The following DPYD variants were observed in gnomAD, a reference collection of about 807,000 sequenced individuals.
DPYD encodes the protein dihydropyrimidine dehydrogenase.
A neutral mutation model predicts 116.2 loss-of-function variants in DPYD; 109 were observed. That is an observed-to-expected ratio of 0.94 (90% confidence interval 0.80 to 1.10). The LOEUF is 1.10. Ranked by LOEUF, DPYD falls within the 50% of genes least tolerant of loss-of-function variation. The pLI, the probability that DPYD is intolerant of heterozygous loss-of-function variation, is 0.00. For missense variants in DPYD, 1,302 were observed against 1,254.5 expected (o/e 1.04, Z -0.57); for synonymous variants, 440 against 432.0 (o/e 1.02, Z -0.23).
At chr1:97,236,255 C>T (rs939728399) in intron 18 of DPYD, among the ~76,000 whole-genome samples, 6 of 152,134 alleles carry the variant, frequency 3.9e-5, no homozygotes, top group African/African-American at 1.4e-4. Flanking sequence ...ATAACTGGTT[C>T]AGCCTCACGT....
chr1:97,720,164 TCACACA>T lies in DPYD; in HGVS notation c.483+1340_483+1345del, dbSNP rs537506379. On this transcript the variant is annotated intron_variant, in intron 5 of 22. Transcript: ENST00000370192. ...CTCTCTCTCTTTCTCTCTCTCTCTC[TCACACA>T]CACACACACACACACACAAACACAC... is the stretch of plus-strand genomic sequence containing the variant. 382 of 707,212 alleles carry T rather than the reference TCACACA, an allele frequency of 5.4e-4. No homozygotes were observed. The African/African-American group carries it at 6.9e-3, about 13-fold the overall frequency. 43.8% of individuals were successfully genotyped at this position (707,212 alleles called of 1,614,324 possible).
At chr1:97,261,567 A>T (rs1482257151) in intron 18 of DPYD, among the ~76,000 whole-genome samples, 1 of 150,760 alleles carries the variant, frequency 6.6e-6, no homozygotes, top group Non-Finnish European at 1.5e-5. Context: ...AGGAAAATTC[A>T]AAGGGAAATT....
At chr1:97,115,367 T>C (rs1446840824) in intron 20 of DPYD, among the ~76,000 whole-genome samples, 1 of 152,230 alleles carries the variant, frequency 6.6e-6, no homozygotes, top group Non-Finnish European at 1.5e-5. Flanking sequence ...TCTGATTTTA[T>C]TGTTTGAAAG....
At chr1:97,173,343 TGC>T (rs1656959171) in intron 20 of DPYD, among the ~76,000 whole-genome samples, 2 of 150,512 alleles carry the variant, frequency 1.3e-5, no homozygotes, top group South Asian at 2.1e-4. Flanking sequence ...TGTGTATATA[TGC>T]ACACATATAT....
At chr1:97,089,614 C>T (rs1309011530) in intron 21 of DPYD, among the ~76,000 whole-genome samples, 1 of 152,076 alleles carries the variant, frequency 6.6e-6, no homozygotes, top group Non-Finnish European at 1.5e-5. Flanking sequence ...TTTTGATACC[C>T]TCTTCTTCCT....
intron 2 of DPYD, among the ~76,000 whole-genome samples, chr1:97,876,787 T>C (rs978816495): frequency 2.6e-5 from 4 of 152,052 alleles, no homozygotes; most frequent in African/African-American, 7.2e-5. Context: ...CTTAGAATTT[T>C]AGAAGTCACG....
chr1:97,181,930 C>G (rs771830987), intron 20 of DPYD, among the ~76,000 whole-genome samples: 4 of 152,086 alleles, frequency 2.6e-5, no homozygotes, highest in Non-Finnish European at 4.4e-5. Context: ...GATTTCTAAT[C>G]TTTACAAAGT....
rs1168694784 is a variant in DPYD at position 97,678,384 on chromosome 1, C to T, written c.850+711G>A. Reference sequence around the variant, plus strand: ...AGTTCGTGGCCCCGAGTTTGGGGACCCCGATTTAACATACTCCATTTATAT... The same window carrying T: ...AGTTCGTGGCCCCGAGTTTGGGGACTCCGATTTAACATACTCCATTTATAT... On this transcript the variant is annotated intron_variant, in intron 8 of 22. Coordinates refer to ENST00000370192, the MANE Select transcript of DPYD (RefSeq NM_000110.4). 2.0e-5 allele frequency among the ~76,000 whole-genome samples: 3 copies of T among 151,960 alleles called. 1 individual carries two copies. Among genetic ancestry groups the T allele is most frequent in the Non-Finnish European group, 4.4e-5 (3 of 67,996 alleles).
intron 14 of DPYD, among the ~76,000 whole-genome samples, chr1:97,431,317 C>G (rs549404835): frequency 6.6e-6 from 1 of 152,020 alleles, no homozygotes; most frequent in East Asian, 1.9e-4. Context: ...TATTGAGGCA[C>G]TAAAACCTAG....
intron 3 of DPYD, among the ~76,000 whole-genome samples, chr1:97,795,439 C>T (rs1041668137): frequency 4.6e-5 from 7 of 151,898 alleles, no homozygotes; most frequent in Admixed American, 3.3e-4. Flanking sequence ...GTAACTGATA[C>T]TAACTGTTAG....
At chr1:97,355,867 G>A (rs1670403164) in intron 16 of DPYD, among the ~76,000 whole-genome samples, 1 of 152,118 alleles carries the variant, frequency 6.6e-6, no homozygotes, top group African/African-American at 2.4e-5. Context: ...TGCCTATTGT[G>A]AATAGTACTG....
chr1:97,883,426 T>A, intron 1 of DPYD, 52 bp from the exon 2 acceptor site: 1 of 1,253,776 alleles, frequency 8.0e-7, no homozygotes, highest in Non-Finnish European at 1.2e-6. Flanking sequence ...TTGGCATTTG[T>A]TTAAACTTAT....
chr1:97,597,950 AT>A (rs1369246187), intron 8 of DPYD, among the ~76,000 whole-genome samples: 1 of 152,168 alleles, frequency 6.6e-6, no homozygotes, highest in Non-Finnish European at 1.5e-5. Context: ...TGGATGTGAG[AT>A]TTTTTAAAAA....
intron 6 of DPYD, 46 bp from the exon 7 acceptor site, chr1:97,691,844 C>T (rs546777463): frequency 6.7e-7 from 1 of 1,500,338 alleles, no homozygotes; most frequent in Non-Finnish European, 9.3e-7. Context: ...AGAAAAATGA[C>T]CAATCTTTGA....
chr1:97,779,632 C>T (rs184677972), intron 3 of DPYD, among the ~76,000 whole-genome samples: 78 of 152,140 alleles, frequency 5.1e-4, no homozygotes, highest in African/African-American at 1.8e-3. Context: ...TCTCTGTTTC[C>T]CTTTTTGCAT....
intron 16 of DPYD, among the ~76,000 whole-genome samples, chr1:97,369,909 AG>A (rs1352681092): frequency 6.6e-6 from 1 of 152,166 alleles, no homozygotes; most frequent in African/African-American, 2.4e-5. Context: ...AGCATTAGTT[AG>A]GGTAAGCATT....
At chr1:97,420,986 G>A (rs1450274667) in intron 14 of DPYD, among the ~76,000 whole-genome samples, 1 of 152,168 alleles carries the variant, frequency 6.6e-6, no homozygotes, top group African/African-American at 2.4e-5. Context: ...TTGAGATTGT[G>A]AGCACTGTGA....
chr1:97,670,502 G>A (rs1158090409), intron 8 of DPYD, among the ~76,000 whole-genome samples: 1 of 152,192 alleles, frequency 6.6e-6, no homozygotes, highest in East Asian at 1.9e-4. Context: ...GGAGAAGGCA[G>A]ACATCTTCAA....
chr1:97,719,733 C>T, intron 5 of DPYD: 2 of 983,790 alleles, frequency 2.0e-6, no homozygotes, highest in Non-Finnish European at 2.4e-6. Flanking sequence ...TCGGCCAACC[C>T]AAAAAAAAGG....
Sources: allele counts gnomAD v4.1 joint callset (sites outside exome capture counted in the v4.1 genomes callset), GRCh38; gene constraint gnomAD v4.1.1; transcripts MANE v1.5; gene names NCBI Gene and HGNC (gene_info 2026-07-23, HGNC 2026-07-21).